EIF3B: variants seen among roughly 807,000 people sequenced by gnomAD.
The protein encoded by EIF3B is eukaryotic translation initiation factor 3 subunit B.
In EIF3B, 10 loss-of-function variants were observed where a neutral mutation model predicts 104.6. That is an observed-to-expected ratio of 0.10 (90% CI 0.06 to 0.16). The LOEUF is 0.16. EIF3B is among the 10% of genes least tolerant of loss of function. The pLI, the probability that EIF3B is intolerant of heterozygous loss-of-function variation, is 1.00. For synonymous variants in EIF3B, 542 were observed against 417.2 expected, an observed-to-expected ratio of 1.30 and a Z score of -3.65; for missense variants, 1,014 against 1,087.9, an observed-to-expected ratio of 0.93 and a Z score of 0.96.
Position 2,360,913 on chromosome 7 carries a change from T to C in EIF3B, c.692+11T>C, listed in dbSNP as rs762297094. 1 of 1,597,514 alleles carries C rather than the reference T, an allele frequency of 6.3e-7. No individual in the cohort carries two copies. Among genetic ancestry groups the C allele is most frequent in the Non-Finnish European group, 8.6e-7 (1 of 1,166,216 alleles). Reference sequence around the variant, plus strand: ...TGGGAAGACAAAAGGGTGAGTGTTCTCCTGTTGGAGAAGTATCATCTGTGT... The same window carrying C: ...TGGGAAGACAAAAGGGTGAGTGTTCCCCTGTTGGAGAAGTATCATCTGTGT... On this transcript the variant is annotated intron_variant, in intron 2 of 18. Transcript: ENST00000360876.
At chr7:2,356,934 A>G (rs939977092) in intron 1 of EIF3B, among the ~76,000 whole-genome samples, 4 of 152,180 alleles carry the variant, frequency 2.6e-5, no homozygotes, top group Non-Finnish European at 5.9e-5. Flanking sequence ...CATCTAGTCT[A>G]CGCCCCTCAG....
intron 2 of EIF3B, 35 bp from the exon 3 acceptor site, chr7:2,362,610 G>C: frequency 6.2e-7 from 1 of 1,613,612 alleles, no homozygotes; most frequent in South Asian, 1.1e-5. Context: ...TAGCCTTACA[G>C]TGTGGGTATG....
Position 2,366,787 on chromosome 7 carries a change from G to A in EIF3B, c.1356+196G>A, listed in dbSNP as rs1002453588. 16 of 807,056 alleles carry A rather than the reference G, an allele frequency of 2.0e-5. No individual in the cohort carries two copies. In the Admixed American group the frequency reaches 2.2e-4, roughly 11 times the overall value. The allele number at this position is 807,056 out of a possible 1,614,324, so 50.0% of individuals were successfully genotyped here. ...TCACTCCTGCCCACCTGGCGCAGCCGTGGGAAGTCCTGGATGGGAGTTAAT... is the reference window on the plus strand; with the variant it reads ...TCACTCCTGCCCACCTGGCGCAGCCATGGGAAGTCCTGGATGGGAGTTAAT... On this transcript the variant is annotated intron_variant, in intron 8 of 18. Transcript: ENST00000360876.
chr7:2,366,479 C>T (rs766156242), intron 7 of EIF3B, 31 bp downstream of exon 7: 4 of 1,614,014 alleles, frequency 2.5e-6, no homozygotes, highest in East Asian at 2.2e-5. Context: ...AGCTCTGTAG[C>T]CTTTGTCTTT....
At chr7:2,360,282 T>A (rs1421384945) in intron 1 of EIF3B, among the ~76,000 whole-genome samples, 1 of 152,206 alleles carries the variant, frequency 6.6e-6, no homozygotes, top group Non-Finnish European at 1.5e-5. Flanking sequence ...AAATCTTCTG[T>A]AAAAAGTCAG....
intron 11 of EIF3B, chr7:2,372,181 G>C: frequency 3.2e-6 from 1 of 308,976 alleles, no homozygotes; most frequent in Non-Finnish European, 6.1e-6. Context: ...ACTCCAGCCT[G>C]GGTGACGGAG....
At chr7:2,362,533 G>A (rs888600884) in intron 2 of EIF3B, 112 bp from the exon 3 acceptor site, 18 of 1,364,308 alleles carry the variant, frequency 1.3e-5, no homozygotes, top group Admixed American at 7.4e-5. Flanking sequence ...AGGAAGAGCA[G>A]CACAGATACT....
chr7:2,377,505 TGTTGTGTGAATGA>T, intron 15 of EIF3B, among the ~76,000 whole-genome samples: 1 of 135,634 alleles, frequency 7.4e-6, no homozygotes, highest in Non-Finnish European at 1.6e-5. Flanking sequence ...TGGGATGCTG[TGTTGTGTGAATGA>T]CCCTGGGTGT....
In EIF3B at chr7:2,364,539, T is replaced by C; in HGVS notation, c.1157+10T>C. Reference sequence around the variant, plus strand: ...TCTCACCTTGTGAAAGGTAAGCTGCTAGAAAAACACAGGGGAGTCTATGCA... The same window carrying C: ...TCTCACCTTGTGAAAGGTAAGCTGCCAGAAAAACACAGGGGAGTCTATGCA... On this transcript the variant is annotated intron_variant, in intron 6 of 18. Coordinates refer to ENST00000360876, the MANE Select transcript of EIF3B (RefSeq NM_001037283.2). 6.2e-7 allele frequency: 1 copy of C among 1,609,544 alleles called. No individual in the cohort carries two copies. The highest frequency in any genetic ancestry group is 8.5e-7 in the Non-Finnish European group (1 of 1,178,348).
intron 12 of EIF3B, 24 bp downstream of exon 12, chr7:2,372,819 C>A: frequency 1.2e-6 from 2 of 1,611,004 alleles, no homozygotes; most frequent in Non-Finnish European, 1.7e-6. Flanking sequence ...TCCCTTTCCT[C>A]TTCTGAGTAG....
At chr7:2,370,021 C>T (rs1047425471) in intron 10 of EIF3B, among the ~76,000 whole-genome samples, 3 of 152,074 alleles carry the variant, frequency 2.0e-5, no homozygotes, top group African/African-American at 7.2e-5. Flanking sequence ...AGGTGATCTG[C>T]CCGCCTTGGC....
chr7:2,361,633 A>G (rs1320498938), intron 2 of EIF3B, among the ~76,000 whole-genome samples: 2 of 151,824 alleles, frequency 1.3e-5, no homozygotes, highest in African/African-American at 4.8e-5. Context: ...GTTAGCCAGA[A>G]TGGTCTCGAT....
intron 4 of EIF3B, among the ~76,000 whole-genome samples, 171 bp from the exon 5 acceptor site, chr7:2,363,461 A>C (rs1328390003): frequency 6.6e-6 from 1 of 151,404 alleles, no homozygotes; most frequent in African/African-American, 2.4e-5. Flanking sequence ...CAACAGCGTG[A>C]CTCTGTCTCA....
At chr7:2,366,224 C>G (rs1439316785) in intron 6 of EIF3B, 93 bp from the exon 7 acceptor site, 2 of 1,376,334 alleles carry the variant, frequency 1.5e-6, no homozygotes, top group Non-Finnish European at 2.0e-6. Flanking sequence ...AGAGCTGGTT[C>G]CGCGAGTTCT....
At position 2,374,587 on chromosome 7, in the gene EIF3B, G is replaced by T; in HGVS notation, c.1870G>T (p.Val624Leu). The change falls in exon 13 of 19, where the codon GTG (valine) becomes TTG (leucine). Residue 624 changes from valine to leucine, a missense_variant. Around this residue, in one of 4 missense-constraint regions of EIF3B, gnomAD observed 266 missense variants for 324.0 expected, o/e 0.82. Transcript: ENST00000360876. ...CTGGAGCCCCCAAGGACAGTTCGTG[G>T]TGTTGGCGGGCCTGAGGAGGTAGGT... ...IFWSPQGQFV[V>L]LAGLRSMNGA... The T allele has an allele frequency of 6.2e-7, 1 of 1,614,048 alleles. No homozygotes were observed. The highest frequency in any genetic ancestry group is 8.5e-7 in the Non-Finnish European group (1 of 1,179,922).
chr7:2,376,601 T>C (rs1043109112), intron 14 of EIF3B: 15 of 229,910 alleles, frequency 6.5e-5, no homozygotes, highest in Non-Finnish European at 9.4e-5. Flanking sequence ...TTAGCTTACG[T>C]TTGGCACAGG....
Position 2,369,425 on chromosome 7 carries a change from G to T in EIF3B, c.1404-47G>T, listed in dbSNP as rs150290110. ...CTATTCTCTTCTGCTTTTCAGTTTC[G>T]TCATCACTTGGTCTTTGCTTTAACA... On this transcript the variant is annotated intron_variant, in intron 9 of 18. Transcript: ENST00000360876. The T allele has an allele frequency of 8.8e-6, 14 of 1,587,550 alleles. 1 individual carries two copies. In the South Asian group the frequency reaches 1.2e-4, roughly 14 times the overall value.
At position 2,379,374 on chromosome 7, in the gene EIF3B, T is replaced by C; in HGVS notation, c.2342-20T>C. 2.5e-6 allele frequency: 4 copies of C among 1,571,446 alleles called. No individual in the cohort carries two copies. The highest frequency in any genetic ancestry group is 3.5e-6 in the Non-Finnish European group (4 of 1,156,746). Reference sequence around the variant, plus strand: ...TAGGCATGTGCCCCCATGGGTGATCTGCGCCCTTTGTCCCCTCAGGGGTGG... The same window carrying C: ...TAGGCATGTGCCCCCATGGGTGATCCGCGCCCTTTGTCCCCTCAGGGGTGG... On this transcript the variant is annotated intron_variant, in intron 17 of 18. Transcript: ENST00000360876.
chr7:2,378,901 A>G (rs1346270774), intron 16 of EIF3B, 135 bp downstream of exon 16: 4 of 854,650 alleles, frequency 4.7e-6, no homozygotes, highest in East Asian at 5.3e-5. Context: ...CCCCCCCAGG[A>G]GGGATGCACT....
Sources: allele counts gnomAD v4.1 joint callset (sites outside exome capture counted in the v4.1 genomes callset), GRCh38; gene constraint gnomAD v4.1.1; regional missense constraint gnomAD v4.1.1; transcripts MANE v1.5; gene names NCBI Gene and HGNC (gene_info 2026-07-23, HGNC 2026-07-21).